NID2: variants seen among roughly 807,000 people sequenced by gnomAD.
NID2 encodes the protein nidogen 2.
NID2 carries 83 observed loss-of-function variants against 145.4 expected under a neutral mutation model. The ratio of observed to expected loss-of-function variants is 0.57; its 90% CI spans 0.48 to 0.69. The LOEUF (loss-of-function observed/expected upper bound fraction) is 0.69. Among genes scored for constraint, NID2 ranks in the 30% least tolerant of loss-of-function variants. NID2 has a pLI of 0.00. For synonymous variants in NID2, 739 were observed against 701.3 expected (o/e 1.05, Z -0.85); for missense variants, 1,807 against 1,765.7 (o/e 1.02, Z -0.42).
chr14:52,059,537 A>T (rs1892958444), intron 3 of NID2, among the ~76,000 whole-genome samples: 1 of 152,226 alleles, frequency 6.6e-6, no homozygotes, highest in Non-Finnish European at 1.5e-5. Flanking sequence ...TGCACTAGCT[A>T]AGTAAGCCCT....
Position 52,029,701 on chromosome 14 carries a change from A to G in NID2, c.2258-11T>C. 6.2e-7 allele frequency: 1 copy of G among 1,610,802 alleles called. No individual in the cohort carries two copies. Among genetic ancestry groups the G allele is most frequent in the Non-Finnish European group, 8.5e-7 (1 of 1,177,300 alleles). ...TGGGGTCTGAATCCTCTGCATGAGT[A>G]GAGGGGAAATAAAAGCACAATCTGG... On this transcript the variant is annotated splice_polypyrimidine_tract_variant and intron_variant, in intron 9 of 21. Transcript: ENST00000216286.
chr14:52,062,773 C>A (rs1310412254), intron 2 of NID2, among the ~76,000 whole-genome samples: 1 of 152,134 alleles, frequency 6.6e-6, no homozygotes, highest in Non-Finnish European at 1.5e-5. Context: ...AGAGGAGAGT[C>A]TGACTTTTTG....
At chr14:52,041,566 C>A (rs1892280278) in intron 7 of NID2, among the ~76,000 whole-genome samples, 1 of 152,198 alleles carries the variant, frequency 6.6e-6, no homozygotes, top group African/African-American at 2.4e-5. Flanking sequence ...TACCTCACCT[C>A]CTAGCTTGGT....
At chr14:52,030,327 C>T (rs1891754455) in intron 9 of NID2, among the ~76,000 whole-genome samples, 1 of 151,930 alleles carries the variant, frequency 6.6e-6, no homozygotes, top group Admixed American at 6.6e-5. Context: ...TACTTAACGA[C>T]TGAAATCTCC....
chr14:52,047,244 AAAGAC>A (rs1308030985), intron 5 of NID2, among the ~76,000 whole-genome samples: 1 of 152,144 alleles, frequency 6.6e-6, no homozygotes, highest in African/African-American at 2.4e-5. Context: ...TACAGCAGAG[AAAGAC>A]AAGAGGGTGG....
intron 12 of NID2, among the ~76,000 whole-genome samples, chr14:52,024,064 G>A (rs1042940812): frequency 3.9e-5 from 6 of 152,126 alleles, no homozygotes; most frequent in Admixed American, 2.6e-4. Flanking sequence ...TTACTTTCAT[G>A]ATTAGCCTAG....
At position 52,011,065 on chromosome 14, in the gene NID2, T is replaced by G. The variant is rs765646696; in HGVS notation, c.3551-18A>C. The G allele has an allele frequency of 1.2e-6, 2 of 1,610,906 alleles. No homozygotes were observed. Among genetic ancestry groups the G allele is most frequent in the African/African-American group, 1.3e-5 (1 of 74,922 alleles). ...TATCAGACCTGGAAATAAAGCAAAG[T>G]CAGGACTGGAGTGTTTGCAGGATAT... On this transcript the variant is annotated intron_variant, in intron 17 of 21. Transcript: ENST00000216286.
At chr14:52,008,634 C>T (rs1018108645) in intron 18 of NID2, 1 of 152,172 alleles carries the variant, frequency 6.6e-6, no homozygotes, top group African/African-American at 2.4e-5. Context: ...CTATCAGAAT[C>T]CCTGCCTCCA....
At position 52,053,881 on chromosome 14, in the gene NID2, C is replaced by A; in HGVS notation, c.1127G>T (p.Gly376Val). The part of the protein sequence containing the change: ...KEGTSLGEVG[G>V]PDLKGQVEPW... Reference sequence around the variant, plus strand: ...CTCAACTTGGCCTTTTAAATCTGGGCCCCCTACCTCTCCCAGAGATGTTCC... The same window carrying A: ...CTCAACTTGGCCTTTTAAATCTGGGACCCCTACCTCTCCCAGAGATGTTCC... The change falls in exon 5 of 22, where the codon GGC (glycine) becomes GTC (valine). Residue 376 changes from glycine to valine, a missense_variant. Transcript: ENST00000216286. 7 of 1,614,084 alleles carry A rather than the reference C, an allele frequency of 4.3e-6. No homozygotes were observed. Among genetic ancestry groups the A allele is most frequent in the Non-Finnish European group, 5.9e-6 (7 of 1,179,972 alleles).
chr14:52,008,121 T>C, intron 18 of NID2, 154 bp from the exon 19 acceptor site: 1 of 603,164 alleles, frequency 1.7e-6, no homozygotes, highest in Non-Finnish European at 2.9e-6. Context: ...TTGCTTCTTC[T>C]AGTGCATAGA....
At chr14:52,034,101 A>C (rs1279136835) in intron 9 of NID2, among the ~76,000 whole-genome samples, 1 of 152,224 alleles carries the variant, frequency 6.6e-6, no homozygotes, top group Non-Finnish European at 1.5e-5. Flanking sequence ...CTTGGCACCA[A>C]GTAAACCATC....
At chr14:52,014,249 C>T (rs368108495) in intron 16 of NID2, 38 bp downstream of exon 16, 5 of 1,613,942 alleles carry the variant, frequency 3.1e-6, no homozygotes, top group African/African-American at 1.3e-5. Context: ...CTGGGAAAGC[C>T]ACGCAGCCCT....
At position 52,068,259 on chromosome 14, in the gene NID2, G is replaced by C. The variant is rs1195906461; in HGVS notation, c.229-96C>G. The stretch of plus-strand genomic sequence containing the variant: ...GGAAGGGAACTGACTTAGGCAAAAA[G>C]CCTCTCTCTCCTTCCCCACTGGCCA... On this transcript the variant is annotated intron_variant, in intron 1 of 21. Coordinates refer to ENST00000216286, the MANE Select transcript of NID2 (RefSeq NM_007361.4). 4.0e-6 allele frequency: 5 copies of C among 1,236,100 alleles called. No individual in the cohort carries two copies. The African/African-American group carries it at 7.4e-5, about 18-fold the overall frequency. 76.6% of individuals were successfully genotyped at this position (1,236,100 alleles called of 1,614,324 possible). A position where few individuals can be genotyped will look rare whatever the true frequency, so the allele number is the denominator to read the frequency against.
chr14:52,005,275 C>A lies in NID2; in HGVS notation c.*211G>T, dbSNP rs546432523. 7.4e-6 allele frequency: 3 copies of A among 403,510 alleles called. No individual in the cohort carries two copies. The highest frequency in any genetic ancestry group is 3.6e-5 in the East Asian group (1 of 27,686). 25.0% of individuals were successfully genotyped at this position (403,510 alleles called of 1,614,324 possible). On this transcript the variant is annotated 3_prime_UTR_variant, in exon 22 of 22. Transcript: ENST00000216286. ...AAATTCTGTTACCTTTTTAAACTTG[C>A]AATAACAACCTTCATTTTTAAAAAT...
intron 14 of NID2, among the ~76,000 whole-genome samples, chr14:52,017,549 T>TA (rs1310348565): frequency 6.6e-6 from 1 of 151,618 alleles, no homozygotes; most frequent in East Asian, 2.0e-4. Flanking sequence ...GTTCCCCCTT[T>TA]AAAATCATTG....
At position 52,060,362 on chromosome 14, in the gene NID2, AGG is replaced by A; in HGVS notation, c.535-8_535-7del. ...ACTGCCTGGAAAGTGTTCAGCTGTG[AGG>A]AAAAAAAAAAAAAAAGAGAGAGAGA... On this transcript the variant is annotated splice_region_variant and splice_polypyrimidine_tract_variant and intron_variant, in intron 2 of 21. Transcript: ENST00000216286. 14 of 979,056 alleles carry A rather than the reference AGG, an allele frequency of 1.4e-5. No individual in the cohort carries two copies. The highest frequency in any genetic ancestry group is 5.1e-5 in the South Asian group (2 of 39,132). 60.6% of individuals were successfully genotyped at this position (979,056 alleles called of 1,614,324 possible).
rs748561893 is a variant in NID2, at chr14:52,007,814, A to G, written c.3876T>C (p.Asp1292=). 1 of 1,613,658 alleles carries G rather than the reference A, an allele frequency of 6.2e-7. No individual in the cohort carries two copies. The highest frequency in any genetic ancestry group is 8.5e-7 in the Non-Finnish European group (1 of 1,179,758). ...GCATTCCATCAGTAGTATTACCTGCATCTGCCCAGCAGAGCAGTTTAGAGA... is the reference window on the plus strand; with the variant it reads ...GCATTCCATCAGTAGTATTACCTGCGTCTGCCCAGCAGAGCAGTTTAGAGA... ...DPFSKLLCWA[D]AGTKKLECTL... is the part of the protein sequence containing the mutation. The change falls in exon 19 of 22, where the codon GAT becomes GAC. Residue 1292 remains aspartate, a synonymous_variant. Transcript: ENST00000216286.
intron 12 of NID2, among the ~76,000 whole-genome samples, chr14:52,025,285 C>T (rs1031911811): frequency 1.3e-5 from 2 of 152,152 alleles, no homozygotes; most frequent in African/African-American, 4.8e-5. Flanking sequence ...GTTTTCTCAC[C>T]AGTATATCTA....
Position 52,014,430 on chromosome 14 carries a change from C to T in NID2, c.3277G>A (p.Val1093Ile), listed in dbSNP as rs1450902694. ...ACATCTGGCCGGGGCGTGGGCCGGA[C>T]CATGGGTGGAGCGACGGTGGGTATA... Reference protein sequence around the residue: ...ACIPTVAPPMVRPTPRPDVTP... With the variant: ...ACIPTVAPPMIRPTPRPDVTP... The change falls in exon 16 of 22, where the codon GTC becomes ATC. Residue 1093 changes from valine (V) to isoleucine (I), a missense_variant. Transcript: ENST00000216286. The T allele has an allele frequency of 1.2e-6, 2 of 1,613,228 alleles. No homozygotes were observed.
Sources: allele counts gnomAD v4.1 joint callset (sites outside exome capture counted in the v4.1 genomes callset), GRCh38; gene constraint gnomAD v4.1.1; transcripts MANE v1.5; gene names NCBI Gene and HGNC (gene_info 2026-07-23, HGNC 2026-07-21).